Variants in FUBP3 observed in about 807,000 individuals in gnomAD.
FUBP3 encodes the protein far upstream element-binding protein 3.
A neutral mutation model predicts 85.6 loss-of-function variants in FUBP3; 28 were observed. That is an observed-to-expected ratio of 0.33 (90% confidence interval 0.24 to 0.45). The LOEUF is 0.45. Ranked by LOEUF, FUBP3 falls within the 20% of genes least tolerant of loss-of-function variation. FUBP3 has a pLI of 1.00. For missense variants in FUBP3, 583 were observed against 755.1 expected (o/e 0.77, Z 2.67); for synonymous variants, 271 against 271.4 (o/e 1.00, Z 0.01).
intron 1 of FUBP3, among the ~76,000 whole-genome samples, chr9:130,592,317 TTTTTG>T (rs773424130): frequency 2.0e-5 from 3 of 152,218 alleles, no homozygotes; most frequent in Non-Finnish European, 4.4e-5. Context: ...AGAGCTTGTC[TTTTTG>T]TTTTGTTTTG....
At chr9:130,620,269 A>T (rs533248531) in intron 8 of FUBP3, 85 bp from the exon 9 acceptor site, 116 of 762,368 alleles carry the variant, frequency 1.5e-4, no homozygotes, top group African/African-American at 1.5e-3. Flanking sequence ...CCAAGTTAAG[A>T]GGGTTTGATC....
In FUBP3 at chr9:130,617,912, G is replaced by C; in HGVS notation, c.666+17G>C. 1 of 1,261,608 alleles carries C rather than the reference G, an allele frequency of 7.9e-7. No homozygotes were observed. Among genetic ancestry groups the C allele is most frequent in the Non-Finnish European group, 1.2e-6 (1 of 865,344 alleles). 78.2% of individuals were successfully genotyped at this position (1,261,608 alleles called of 1,614,324 possible). On this transcript the variant is annotated intron_variant, in intron 8 of 18. Coordinates refer to ENST00000319725, the MANE Select transcript of FUBP3 (RefSeq NM_003934.2). Reference sequence around the variant, plus strand: ...AAAGTACAGGTAGGAAAGTGCCATGGGTTGGGTGAGTCCTGGCTGTTGGGG... The same window carrying C: ...AAAGTACAGGTAGGAAAGTGCCATGCGTTGGGTGAGTCCTGGCTGTTGGGG...
intron 1 of FUBP3, among the ~76,000 whole-genome samples, chr9:130,589,671 G>GTGTGTGTGTGTATGTA: frequency 4.0e-5 from 1 of 25,136 alleles, no homozygotes; most frequent in African/African-American, 2.2e-4. Context: ...GTATGTATGT[G>GTGTGTGTGTGTATGTA]TGTGTATATA....
intron 2 of FUBP3, among the ~76,000 whole-genome samples, chr9:130,602,792 G>A (rs983090254): frequency 1.3e-5 from 2 of 152,096 alleles, no homozygotes; most frequent in Non-Finnish European, 2.9e-5. Context: ...GCTTTCCAGG[G>A]GCGGTGGACA....
intron 10 of FUBP3, among the ~76,000 whole-genome samples, chr9:130,623,277 A>C (rs572063871): frequency 6.6e-6 from 1 of 152,212 alleles, no homozygotes; most frequent in Non-Finnish European, 1.5e-5. Context: ...AGAGGAAAAC[A>C]TGGCAGGCTC....
At chr9:130,595,399 G>A in intron 1 of FUBP3, 84 bp from the exon 2 acceptor site, 1 of 776,414 alleles carries the variant, frequency 1.3e-6, no homozygotes, top group Non-Finnish European at 2.4e-6. Context: ...TGGGATAATA[G>A]CCCTTTAAAG....
In FUBP3 at chr9:130,605,670, T is replaced by C. The variant is rs576790766; in HGVS notation, c.191-4284T>C. 4.6e-5 allele frequency among the ~76,000 whole-genome samples: 7 copies of C among 152,312 alleles called. No homozygotes were observed. In the East Asian group the frequency reaches 1.2e-3, roughly 25 times the overall value. On this transcript the variant is annotated intron_variant, in intron 2 of 18. Coordinates refer to ENST00000319725, the MANE Select transcript of FUBP3 (RefSeq NM_003934.2). ...GGTGGTCTTTCCACTCACAGAAGCT[T>C]ACAGTAGACTACAAGTAAGAGTGAT... is the stretch of plus-strand genomic sequence containing the variant.
intron 2 of FUBP3, among the ~76,000 whole-genome samples, chr9:130,600,156 C>G (rs1831085578): frequency 1.6e-5 from 2 of 127,932 alleles, no homozygotes; most frequent in South Asian, 5.4e-4. Flanking sequence ...TTTTCACACA[C>G]CCACCTGACC....
intron 1 of FUBP3, among the ~76,000 whole-genome samples, chr9:130,584,627 G>T (rs1281485441): frequency 6.6e-6 from 1 of 151,858 alleles, no homozygotes; most frequent in Non-Finnish European, 1.5e-5. Context: ...CCAGCACTTT[G>T]GGAGGCTGAG....
chr9:130,623,210 A>G lies in FUBP3; in HGVS notation c.874+400A>G, dbSNP rs1008159234. ...ACAAAACATCTTAGAATAAAGGACA[A>G]ATTTTTAAATTTTATAAATTTGCCT... On this transcript the variant is annotated intron_variant, in intron 10 of 18. Coordinates refer to ENST00000319725, the MANE Select transcript of FUBP3 (RefSeq NM_003934.2). Among the ~76,000 whole-genome samples, 52 of 152,178 alleles carry G rather than the reference A, an allele frequency of 3.4e-4. 1 individual carries two copies. Among genetic ancestry groups the G allele is most frequent in the African/African-American group, 1.2e-3 (50 of 41,442 alleles).
In FUBP3 at chr9:130,599,247, G is replaced by T. The variant is rs552497536; in HGVS notation, c.190+3659G>T. Among the ~76,000 whole-genome samples, 139 of 151,794 alleles carry T rather than the reference G, an allele frequency of 9.2e-4. 2 individuals are homozygous for T. Among genetic ancestry groups the T allele is most frequent in the Middle Eastern group, 6.8e-3 (2 of 294 alleles). ...ACGGAGGTTGCAGTGAGCCAAGATC[G>T]CACCACTGCACTCCAGCCTGGGCAA... On this transcript the variant is annotated intron_variant, in intron 2 of 18. Coordinates refer to ENST00000319725, the MANE Select transcript of FUBP3 (RefSeq NM_003934.2).
At chr9:130,618,236 C>T (rs1042010652) in intron 8 of FUBP3, among the ~76,000 whole-genome samples, 12 of 152,198 alleles carry the variant, frequency 7.9e-5, no homozygotes, top group African/African-American at 2.4e-4. Flanking sequence ...GCTGGTGGCA[C>T]GGCTCAGGAC....
intron 1 of FUBP3, among the ~76,000 whole-genome samples, chr9:130,589,683 A>G (rs1273753262): frequency 2.0e-3 from 49 of 24,122 alleles, no homozygotes; most frequent in African/African-American, 5.3e-3. Context: ...GTGTATATAT[A>G]TATATATATA....
At chr9:130,589,699 A>ATT (rs1374682144) in intron 1 of FUBP3, among the ~76,000 whole-genome samples, 14 of 28,564 alleles carry the variant, frequency 4.9e-4, no homozygotes, top group African/African-American at 2.9e-3. Context: ...ATATATATAT[A>ATT]TATATATTTT....
In FUBP3 at chr9:130,601,801, A is replaced by ATTTTTTTT. The variant is rs113638192; in HGVS notation, c.190+6224_190+6231dup. Among the ~76,000 whole-genome samples the ATTTTTTTT allele has an allele frequency of 6.6e-3, 776 of 117,272 alleles. 25 individuals are homozygous for ATTTTTTTT. The highest frequency in any genetic ancestry group is 0.014 in the South Asian group (52 of 3,634). The allele number at this position is 117,272 out of a possible 152,430, so 76.9% of individuals were successfully genotyped here. On this transcript the variant is annotated intron_variant, in intron 2 of 18. Coordinates refer to ENST00000319725, the MANE Select transcript of FUBP3 (RefSeq NM_003934.2). Reference sequence around the variant, plus strand: ...ATGGAAATTTTAGAAATAATTCCTAATTTTTTTTTTTTTTTTTTGAGATGG... The same window carrying ATTTTTTTT: ...ATGGAAATTTTAGAAATAATTCCTAATTTTTTTTTTTTTTTTTTTTTTTTTTGAGATGG...
intron 2 of FUBP3, 83 bp from the exon 3 acceptor site, chr9:130,609,871 C>T (rs1268743697): frequency 1.6e-5 from 17 of 1,094,742 alleles, no homozygotes; most frequent in Admixed American, 3.6e-5. Context: ...CCACCCCACC[C>T]GAAATGGTAA....
At chr9:130,636,162 T>C in intron 18 of FUBP3, 36 bp downstream of exon 18, 1 of 1,603,184 alleles carries the variant, frequency 6.2e-7, no homozygotes, top group Non-Finnish European at 8.5e-7. Context: ...TGCCACTCCC[T>C]AGCCCCGAGC....
intron 2 of FUBP3, among the ~76,000 whole-genome samples, chr9:130,595,980 C>T (rs1387190433): frequency 6.6e-6 from 1 of 152,210 alleles, no homozygotes; most frequent in East Asian, 1.9e-4. Context: ...ACATCTTGAC[C>T]TTAAAGAAAG....
chr9:130,589,687 ATATATATATATATATATATTTTT>A (rs1464401033), intron 1 of FUBP3, among the ~76,000 whole-genome samples: 6 of 27,276 alleles, frequency 2.2e-4, no homozygotes, highest in Admixed American at 5.1e-4. Flanking sequence ...ATATATATAT[ATATATATATATATATATATTTTT>A]TTTTTTTTTT....
Sources: allele counts gnomAD v4.1 joint callset (sites outside exome capture counted in the v4.1 genomes callset), GRCh38; gene constraint gnomAD v4.1.1; transcripts MANE v1.5; gene names NCBI Gene and HGNC (gene_info 2026-07-23, HGNC 2026-07-21).